CDKAL1: variants seen among roughly 807,000 people sequenced by gnomAD.
CDKAL1 encodes CDKAL1 threonylcarbamoyladenosine tRNA methylthiotransferase, also known as threonylcarbamoyladenosine tRNA methylthiotransferase.
CDKAL1 carries 32 observed loss-of-function variants against 68.2 expected under a neutral mutation model. The observed-to-expected ratio is 0.47, with a 90% CI of 0.35 to 0.63. The LOEUF (loss-of-function observed/expected upper bound fraction) is 0.63, where lower values mean the gene tolerates loss of function less well. CDKAL1 is among the 30% of genes least tolerant of loss of function. The pLI, the probability that CDKAL1 is intolerant of heterozygous loss-of-function variation, is 0.00. For synonymous variants in CDKAL1, 234 were observed against 244.3 expected, an observed-to-expected ratio of 0.96 and a Z score of 0.39; for missense variants, 606 against 696.7, an observed-to-expected ratio of 0.87 and a Z score of 1.47.
At chr6:20,769,484 C>T (rs1200370331) in intron 7 of CDKAL1, among the ~76,000 whole-genome samples, 1 of 151,996 alleles carries the variant, frequency 6.6e-6, no homozygotes, top group African/African-American at 2.4e-5. Flanking sequence ...GTCTCGAACT[C>T]CTTGCCTCAT....
intron 4 of CDKAL1, among the ~76,000 whole-genome samples, chr6:20,623,738 CA>C (rs1051315465): frequency 3.3e-5 from 5 of 152,108 alleles, no homozygotes; most frequent in Admixed American, 1.3e-4. Flanking sequence ...ATTTTATTAT[CA>C]GTCTATTTTG....
chr6:21,003,037 C>T (rs370191271), intron 11 of CDKAL1, among the ~76,000 whole-genome samples: 2 of 151,708 alleles, frequency 1.3e-5, no homozygotes, highest in East Asian at 2.0e-4. Flanking sequence ...TCATCAGAAC[C>T]ATAAAATTGT....
At chr6:21,047,359 AT>A (rs1382439724) in intron 11 of CDKAL1, among the ~76,000 whole-genome samples, 4 of 152,296 alleles carry the variant, frequency 2.6e-5, no homozygotes, top group East Asian at 1.9e-4. Context: ...AAGAGAAGCC[AT>A]CATTTACAAA....
chr6:21,153,242 T>C (rs1776499042), intron 13 of CDKAL1, among the ~76,000 whole-genome samples: 3 of 148,358 alleles, frequency 2.0e-5, no homozygotes, highest in African/African-American at 4.9e-5. Context: ...TTTCTTTTTT[T>C]TTTTTTTTTT....
chr6:21,003,369 T>TATATATATATATATATATATATATATAC (rs1767546311), intron 11 of CDKAL1, among the ~76,000 whole-genome samples: 2 of 46,612 alleles, frequency 4.3e-5, no homozygotes, highest in Admixed American at 2.6e-4. Context: ...TATATATATA[T>TATATATATATATATATATATATATATAC]ATACACACAC....
At chr6:21,201,781 C>A (rs1778701873) in intron 15 of CDKAL1, among the ~76,000 whole-genome samples, 1 of 151,746 alleles carries the variant, frequency 6.6e-6, no homozygotes, top group Non-Finnish European at 1.5e-5. Context: ...TTTTTTCTTT[C>A]TATAAAAAAG....
At chr6:21,230,369 C>T (rs913891428) in intron 15 of CDKAL1, among the ~76,000 whole-genome samples, 2 of 152,226 alleles carry the variant, frequency 1.3e-5, no homozygotes, top group African/African-American at 2.4e-5. Context: ...ACCATGTTGG[C>T]CAGGCTGGTC....
At chr6:20,846,750 G>A (rs182186308) in intron 9 of CDKAL1, among the ~76,000 whole-genome samples, 25 of 152,242 alleles carry the variant, frequency 1.6e-4, no homozygotes, top group African/African-American at 5.3e-4. Flanking sequence ...ATCACTTGCC[G>A]GGAAATGTGA....
chr6:20,738,978 T>C (rs901571747), intron 5 of CDKAL1, among the ~76,000 whole-genome samples: 2 of 152,218 alleles, frequency 1.3e-5, no homozygotes, highest in Admixed American at 1.3e-4. Context: ...GAAGTAAGCA[T>C]ATGCAGTCAA....
intron 9 of CDKAL1, among the ~76,000 whole-genome samples, chr6:20,947,871 C>T (rs1241357601): frequency 2.6e-5 from 4 of 152,044 alleles, no homozygotes; most frequent in African/African-American, 4.8e-5. Flanking sequence ...GCTTTCACAC[C>T]GTCATAAAGT....
intron 11 of CDKAL1, among the ~76,000 whole-genome samples, chr6:21,059,056 C>T (rs140128148): frequency 6.6e-6 from 1 of 152,352 alleles, no homozygotes; most frequent in Non-Finnish European, 1.5e-5. Context: ...TGCCCCTCCC[C>T]TCAGGGTCTC....
chr6:21,216,919 T>C (rs992999320), intron 15 of CDKAL1, among the ~76,000 whole-genome samples: 2 of 152,114 alleles, frequency 1.3e-5, no homozygotes, highest in African/African-American at 4.8e-5. Context: ...TTGGCCAGAG[T>C]GTACAGCTCC....
At chr6:21,205,042 C>T (rs562787551) in intron 15 of CDKAL1, among the ~76,000 whole-genome samples, 15 of 152,286 alleles carry the variant, frequency 9.8e-5, no homozygotes, top group African/African-American at 3.6e-4. Flanking sequence ...GAATCATATG[C>T]TCACCAGTGT....
chr6:21,020,781 T>TC (rs1334137605), intron 11 of CDKAL1, among the ~76,000 whole-genome samples: 3 of 151,148 alleles, frequency 2.0e-5, no homozygotes, highest in Admixed American at 2.0e-4. Flanking sequence ...TTCCTTTTTT[T>TC]TTTTTTTTTT....
intron 5 of CDKAL1, among the ~76,000 whole-genome samples, chr6:20,696,748 G>A (rs1771124180): frequency 1.3e-5 from 2 of 152,306 alleles, no homozygotes; most frequent in South Asian, 2.1e-4. Context: ...TTGAAGTAAA[G>A]CTGAGTAAAT....
At chr6:20,755,910 T>C (rs1027677886) in intron 6 of CDKAL1, among the ~76,000 whole-genome samples, 1 of 152,228 alleles carries the variant, frequency 6.6e-6, no homozygotes, top group Admixed American at 6.5e-5. Context: ...TTTTATGATA[T>C]GCTTTCTAAC....
intron 8 of CDKAL1, among the ~76,000 whole-genome samples, chr6:20,805,675 T>A (rs1776543153): frequency 6.6e-6 from 1 of 152,176 alleles, no homozygotes; most frequent in Non-Finnish European, 1.5e-5. Flanking sequence ...TCAGAAAAAT[T>A]AAGACAACTT....
chr6:20,848,097 A>G (rs889212856), intron 9 of CDKAL1, among the ~76,000 whole-genome samples: 14 of 152,294 alleles, frequency 9.2e-5, no homozygotes, highest in African/African-American at 3.1e-4. Context: ...CTCCTATGCA[A>G]ACATCCGATT....
At chr6:21,224,458 A>G (rs1582449323) in intron 15 of CDKAL1, among the ~76,000 whole-genome samples, 2 of 152,148 alleles carry the variant, frequency 1.3e-5, no homozygotes, top group South Asian at 2.1e-4. Flanking sequence ...AGGTTGGAGT[A>G]AGCCGAGATT....
Sources: gnomAD v4.1 joint callset for allele counts (sites outside exome capture counted in the v4.1 genomes callset) on GRCh38, gnomAD v4.1.1 for gene constraint, MANE v1.5 for transcripts, NCBI Gene and HGNC (gene_info 2026-07-23, HGNC 2026-07-21) for gene names.